PPP1R37: variants seen among roughly 807,000 people sequenced by gnomAD.
PPP1R37 encodes protein phosphatase 1 regulatory subunit 37.
A neutral mutation model predicts 61.0 loss-of-function variants in PPP1R37; 21 were observed. The ratio of observed to expected loss-of-function variants is 0.34; its 90% confidence interval spans 0.24 to 0.50. PPP1R37 has a LOEUF of 0.50. PPP1R37 is among the 20% of genes least tolerant of loss of function. PPP1R37 has a pLI of 0.98. For missense variants in PPP1R37, 910 were observed against 952.7 expected (o/e 0.96, Z 0.59); for synonymous variants, 443 against 433.5 (o/e 1.02, Z -0.27).
chr19:45,110,426 C>G (rs79769273), intron 1 of PPP1R37, among the ~76,000 whole-genome samples: 9 of 152,200 alleles, frequency 5.9e-5, no homozygotes, highest in Middle Eastern at 3.4e-3. Flanking sequence ...ACATTTCTTA[C>G]TTTTACTCAT....
At chr19:45,135,550 A>G (rs1880330190) in intron 1 of PPP1R37, among the ~76,000 whole-genome samples, 1 of 152,192 alleles carries the variant, frequency 6.6e-6, no homozygotes, top group Non-Finnish European at 1.5e-5. Context: ...TGAAATGTGG[A>G]GAGTTGAGAG....
chr19:45,140,253 G>A lies in PPP1R37; in HGVS notation c.318G>A (p.Gly106=), dbSNP rs909166737. ...TTTCTCAGGAATTCACAGACCTCGG[G>A]CACCGCCTCGACTGTCTGGACCTGA... ...LRQLQEFTDL[G]HRLDCLDLKG... The change falls in exon 3 of 13, where the codon GGG becomes GGA. Residue 106 remains glycine (G), a synonymous_variant. Transcript: ENST00000221462. 9.1e-6 allele frequency: 14 copies of A among 1,536,128 alleles called. No individual in the cohort carries two copies. The highest frequency in any genetic ancestry group is 1.2e-5 in the Non-Finnish European group (14 of 1,146,882).
chr19:45,119,628 C>T (rs1405872165), intron 1 of PPP1R37, among the ~76,000 whole-genome samples: 1 of 152,236 alleles, frequency 6.6e-6, no homozygotes, highest in African/African-American at 2.4e-5. Flanking sequence ...AGATAGCTAT[C>T]ATTTTACCTA....
chr19:45,100,800 G>A (rs546986343), intron 1 of PPP1R37, among the ~76,000 whole-genome samples: 1 of 152,176 alleles, frequency 6.6e-6, no homozygotes. Flanking sequence ...TGGTGGGCAC[G>A]CAGGAGGGGG....
chr19:45,128,146 C>T (rs1227936297), intron 1 of PPP1R37, among the ~76,000 whole-genome samples: 1 of 152,130 alleles, frequency 6.6e-6, no homozygotes, highest in East Asian at 1.9e-4. Flanking sequence ...GGAAGTTTCT[C>T]TCTCCCTGTC....
In PPP1R37 at chr19:45,141,329, C is replaced by T. The variant is rs1228942251; in HGVS notation, c.455C>T (p.Ser152Leu). 3 of 1,535,428 alleles carry T rather than the reference C, an allele frequency of 2.0e-6. No individual in the cohort carries two copies. The highest frequency in any genetic ancestry group is 2.6e-6 in the Non-Finnish European group (3 of 1,146,604). The change falls in exon 5 of 13, where the codon TCG (serine) becomes TTG (leucine). Residue 152 changes from serine (S) to leucine (L), a missense_variant. This residue lies in a region of PPP1R37 where 280 missense variants were observed against 382.2 expected (regional missense o/e 0.73). Coordinates refer to ENST00000221462, the MANE Select transcript of PPP1R37 (RefSeq NM_019121.2). ...CCGAATCTCTATGCGCAGGGTGCCT[C>T]GGCCCTCTTCGACATGATCGAGTAC... ...EQTNLDEDGA[S>L]ALFDMIEYYE...
At chr19:45,096,447 A>G (rs1600153269) in intron 1 of PPP1R37, among the ~76,000 whole-genome samples, 1 of 152,148 alleles carries the variant, frequency 6.6e-6, no homozygotes, top group African/African-American at 2.4e-5. Flanking sequence ...TGGAGGTGCT[A>G]ATTTTTACCA....
At chr19:45,105,209 C>T (rs1968114812) in intron 1 of PPP1R37, among the ~76,000 whole-genome samples, 2 of 152,132 alleles carry the variant, frequency 1.3e-5, no homozygotes, top group African/African-American at 4.8e-5. Context: ...AGTCCCTGGT[C>T]CAGAAAAGGA....
rs202074572 is a variant in PPP1R37 at position 45,141,330 on chromosome 19, G to C, written c.456G>C (p.Ser152=). ...CGAATCTCTATGCGCAGGGTGCCTC[G>C]GCCCTCTTCGACATGATCGAGTACT... The part of the protein sequence containing the change: ...EQTNLDEDGA[S]ALFDMIEYYE... The change falls in exon 5 of 13, where the codon TCG becomes TCC. Residue 152 remains serine (S), a synonymous_variant. Coordinates refer to ENST00000221462, the MANE Select transcript of PPP1R37 (RefSeq NM_019121.2). The C allele has an allele frequency of 6.5e-7, 1 of 1,535,658 alleles. No homozygotes were observed.
intron 1 of PPP1R37, among the ~76,000 whole-genome samples, chr19:45,129,944 A>T (rs950172529): frequency 6.6e-6 from 1 of 152,236 alleles, no homozygotes; most frequent in Non-Finnish European, 1.5e-5. Flanking sequence ...TGGGCCTTTT[A>T]GTCTGTACTC....
At chr19:45,094,285 C>T (rs1480353194) in intron 1 of PPP1R37, among the ~76,000 whole-genome samples, 1 of 152,070 alleles carries the variant, frequency 6.6e-6, no homozygotes, top group Non-Finnish European at 1.5e-5. Context: ...CCGCCTGCTG[C>T]AATGTGGTAT....
intron 1 of PPP1R37, among the ~76,000 whole-genome samples, chr19:45,104,348 A>G (rs918010020): frequency 6.6e-6 from 1 of 152,170 alleles, no homozygotes; most frequent in Non-Finnish European, 1.5e-5. Context: ...AGGAACCTTA[A>G]GGACTCCGGG....
Position 45,146,475 on chromosome 19 carries a change from C to CT in PPP1R37, c.*6dup. ...AATCCGGGCAGGAGACACTGTGACA[C>CT]TTTAGGTGAGGCCAGGCCCGGGGCC... is the stretch of plus-strand genomic sequence containing the variant. On this transcript the variant is annotated 3_prime_UTR_variant, in exon 12 of 13. Transcript: ENST00000221462. 1 of 1,535,036 alleles carries CT rather than the reference C, an allele frequency of 6.5e-7. No homozygotes were observed. Among genetic ancestry groups the CT allele is most frequent in the East Asian group, 2.4e-5 (1 of 40,878 alleles).
At chr19:45,127,974 C>CAAAAA (rs35001139) in intron 1 of PPP1R37, among the ~76,000 whole-genome samples, 3 of 61,866 alleles carry the variant, frequency 4.8e-5, no homozygotes, top group African/African-American at 9.9e-5. Context: ...GACTCCATCT[C>CAAAAA]AAAAAAAAAA....
intron 7 of PPP1R37, chr19:45,142,728 G>A: frequency 4.0e-6 from 2 of 503,882 alleles, no homozygotes; most frequent in Non-Finnish European, 7.0e-6. Context: ...ACAGCCGCAG[G>A]ATGAGGCGAA....
chr19:45,134,904 C>G (rs1024757037), intron 1 of PPP1R37, among the ~76,000 whole-genome samples: 1 of 152,058 alleles, frequency 6.6e-6, no homozygotes, highest in Non-Finnish European at 1.5e-5. Flanking sequence ...TGAAGGTTGC[C>G]AGCCTAGAAA....
chr19:45,137,589 A>G (rs1387133429), intron 1 of PPP1R37, among the ~76,000 whole-genome samples: 4 of 152,266 alleles, frequency 2.6e-5, no homozygotes, highest in Non-Finnish European at 4.4e-5. Flanking sequence ...GTCTCTTCCA[A>G]CTGCTTCTGT....
intron 1 of PPP1R37, among the ~76,000 whole-genome samples, chr19:45,119,362 C>A (rs1219381684): frequency 2.0e-5 from 3 of 152,092 alleles, no homozygotes; most frequent in Non-Finnish European, 2.9e-5. Flanking sequence ...CCTGTTGGCC[C>A]GACTGGTGTC....
intron 1 of PPP1R37, among the ~76,000 whole-genome samples, chr19:45,126,157 C>A (rs777005171): frequency 1.3e-5 from 2 of 152,252 alleles, no homozygotes; most frequent in Non-Finnish European, 2.9e-5. Flanking sequence ...CGGTCACTCA[C>A]CTGCCATGAG....
Sources: allele counts gnomAD v4.1 joint callset (sites outside exome capture counted in the v4.1 genomes callset), GRCh38; gene constraint gnomAD v4.1.1; regional missense constraint gnomAD v4.1.1; transcripts MANE v1.5; gene names NCBI Gene and HGNC (gene_info 2026-07-23, HGNC 2026-07-21).